The following FRMPD4 variants were observed in gnomAD, a reference collection of about 807,000 sequenced individuals.
FRMPD4 encodes FERM and PDZ domain-containing protein 4.
FRMPD4 carries 22 observed loss-of-function variants against 94.1 expected under a neutral mutation model. That is an observed-to-expected ratio of 0.23 (90% CI 0.17 to 0.33). The LOEUF (loss-of-function observed/expected upper bound fraction) is 0.33. FRMPD4 is among the 10% of genes least tolerant of loss of function. FRMPD4 has a pLI of 1.00. For missense variants in FRMPD4, 1,111 were observed against 1,339.9 expected, an observed-to-expected ratio of 0.83 and a Z score of 2.67; for synonymous variants, 631 against 548.6, an observed-to-expected ratio of 1.15 and a Z score of -2.10.
intron 1 of FRMPD4, among the ~76,000 whole-genome samples, chrX:12,286,841 A>G (rs2054608465): frequency 8.9e-6 from 1 of 111,793 alleles, no homozygotes; most frequent in Admixed American, 9.5e-5. Context: ...TTTTCATTAT[A>G]GTAAATGCAG....
At chrX:12,309,963 C>G (rs778350374) in intron 1 of FRMPD4, among the ~76,000 whole-genome samples, 1 of 112,221 alleles carries the variant, frequency 8.9e-6, no homozygotes, top group South Asian at 3.8e-4. Context: ...AGATTGGATT[C>G]TACTCATTTG....
chrX:12,098,004 C>A (rs1569158022), intron 3 of FRMPD4, among the ~76,000 whole-genome samples: 1 of 111,843 alleles, frequency 8.9e-6, no homozygotes, highest in Non-Finnish European at 1.9e-5. Flanking sequence ...ACCTATTTTC[C>A]AAAGTGGCTG....
At chrX:12,673,600 C>T (rs1373164960) in intron 4 of FRMPD4, among the ~76,000 whole-genome samples, 1 of 111,886 alleles carries the variant, frequency 8.9e-6, no homozygotes, top group African/African-American at 3.2e-5. Context: ...CAATGCAGAT[C>T]CTTCATCTTA....
intron 1 of FRMPD4, among the ~76,000 whole-genome samples, chrX:12,415,677 TTG>T (rs1277326640): frequency 8.9e-6 from 1 of 111,910 alleles, no homozygotes; most frequent in East Asian, 2.8e-4. Flanking sequence ...ATTTCCTGTG[TTG>T]TGTTTGATTA....
upstream of FRMPD4, among the ~76,000 whole-genome samples, chrX:12,135,153 G>C (rs1466094815): frequency 3.6e-5 from 4 of 112,130 alleles, no homozygotes; most frequent in Non-Finnish European, 7.5e-5. Context: ...TTTCCAACTA[G>C]TAAATCCCTA....
At chrX:12,295,823 T>C (rs1394645290) in intron 1 of FRMPD4, among the ~76,000 whole-genome samples, 1 of 112,347 alleles carries the variant, frequency 8.9e-6, no homozygotes, top group Admixed American at 9.4e-5. Flanking sequence ...GTGGGGAACC[T>C]TGCTTTAGTA....
chrX:12,449,018 T>G (rs1022002119), intron 1 of FRMPD4, among the ~76,000 whole-genome samples: 1 of 111,728 alleles, frequency 9.0e-6, no homozygotes, highest in Non-Finnish European at 1.9e-5. Context: ...TTAAAGGAAT[T>G]AATTCTCTAT....
chrX:12,666,158 C>T (rs889757618), intron 4 of FRMPD4, among the ~76,000 whole-genome samples: 2 of 109,338 alleles, frequency 1.8e-5, no homozygotes, highest in Non-Finnish European at 3.8e-5. Context: ...GACTTTAAAC[C>T]AACAAAGATC....
intron 2 of FRMPD4, among the ~76,000 whole-genome samples, chrX:12,555,287 A>G (rs1009531492): frequency 9.0e-5 from 10 of 111,079 alleles, no homozygotes; most frequent in South Asian, 3.9e-4. Context: ...CGTCTTTTCT[A>G]CTGTGTTTAT....
intron 3 of FRMPD4, among the ~76,000 whole-genome samples, chrX:12,068,195 G>C (rs1435083039): frequency 9.0e-6 from 1 of 111,492 alleles, no homozygotes; most frequent in Non-Finnish European, 1.9e-5. Flanking sequence ...AATGGAATAG[G>C]TTCTCTCCTA....
chrX:11,822,668 G>A (rs1033713806), exon 1 of FRMPD4, among the ~76,000 whole-genome samples: 5 of 112,377 alleles, frequency 4.4e-5, no homozygotes, highest in African/African-American at 1.6e-4. Context: ...AGGATTGGAG[G>A]TGGTGGCCAG....
intron 3 of FRMPD4, among the ~76,000 whole-genome samples, chrX:11,948,620 A>G (rs1416739656): frequency 9.0e-6 from 1 of 111,268 alleles, no homozygotes; most frequent in African/African-American, 3.3e-5. Flanking sequence ...GGGAAGGGGA[A>G]GGGCCTGACC....
chrX:12,102,565 T>TTCATAGC (rs757347188), intron 3 of FRMPD4, among the ~76,000 whole-genome samples: 21 of 111,593 alleles, frequency 1.9e-4, no homozygotes, highest in Non-Finnish European at 4.0e-4. Context: ...TTTGGAAATT[T>TTCATAGC]TCATAGCAAG....
At chrX:11,943,513 A>G (rs770189030) in intron 3 of FRMPD4, among the ~76,000 whole-genome samples, 92 of 110,924 alleles carry the variant, frequency 8.3e-4, no homozygotes, top group African/African-American at 3.0e-3. Flanking sequence ...CAGAAGGGCA[A>G]GGGAGTGTGT....
upstream of FRMPD4, among the ~76,000 whole-genome samples, chrX:12,135,701 GTC>G (rs756817387): frequency 5.4e-5 from 6 of 110,402 alleles, no homozygotes; most frequent in Non-Finnish European, 9.5e-5. Context: ...AAGGGAGGCT[GTC>G]TCTCTAGAAG....
chrX:12,701,333 A>G (rs970681534), intron 9 of FRMPD4, among the ~76,000 whole-genome samples: 1 of 110,528 alleles, frequency 9.0e-6, no homozygotes, highest in African/African-American at 3.3e-5. Context: ...TTGGCCTCCC[A>G]AAGTGCTGGG....
chrX:12,485,304 T>C (rs6641022), intron 1 of FRMPD4, among the ~76,000 whole-genome samples: 40,115 of 111,553 alleles, frequency 0.36, 6,537 homozygotes, highest in African/African-American at 0.65. Context: ...TGTCATCAAC[T>C]TTTGTACATG....
chrX:12,583,519 G>T (rs2058890393), intron 2 of FRMPD4: 1 of 1,082,186 alleles, frequency 9.2e-7, no homozygotes, highest in Non-Finnish European at 1.3e-6. Context: ...TGCCGGGAGC[G>T]TTCCCATATT....
chrX:12,636,307 G>A (rs1569378370), intron 4 of FRMPD4, among the ~76,000 whole-genome samples: 2 of 110,871 alleles, frequency 1.8e-5, no homozygotes, highest in Non-Finnish European at 3.8e-5. Flanking sequence ...TTTTTTTAAA[G>A]TTTTTTGTCC....
Sources: gnomAD v4.1 joint callset for allele counts (sites outside exome capture counted in the v4.1 genomes callset) on GRCh38, gnomAD v4.1.1 for gene constraint, MANE v1.5 for transcripts, NCBI Gene and HGNC (gene_info 2026-07-23, HGNC 2026-07-21) for gene names.